ZNF407: variants seen among roughly 807,000 people sequenced by gnomAD.
ZNF407 encodes zinc finger protein 407.
A neutral mutation model predicts 131.2 loss-of-function variants in ZNF407; 17 were observed. That is an observed-to-expected ratio of 0.13 (90% confidence interval 0.09 to 0.19). The LOEUF is 0.19. Among genes scored for constraint, ZNF407 ranks in the 10% least tolerant of loss-of-function variants. ZNF407 has a pLI of 1.00. For missense variants in ZNF407, 2,681 were observed against 2,830.6 expected, an observed-to-expected ratio of 0.95 and a Z score of 1.20; for synonymous variants, 1,156 against 1,062.0, an observed-to-expected ratio of 1.09 and a Z score of -1.72.
At chr18:75,040,880 C>T (rs943606322) in intron 8 of ZNF407, among the ~76,000 whole-genome samples, 1 of 152,094 alleles carries the variant, frequency 6.6e-6, no homozygotes, top group Non-Finnish European at 1.5e-5. Context: ...ACATGGAGAA[C>T]GGTAGAGCTC....
intron 8 of ZNF407, among the ~76,000 whole-genome samples, chr18:74,965,467 A>C (rs919912473): frequency 1.3e-5 from 2 of 152,032 alleles, no homozygotes; most frequent in Non-Finnish European, 2.9e-5. Flanking sequence ...AGTTCTATCC[A>C]TGTTATTGCA....
chr18:74,790,752 G>A (rs763999793), intron 4 of ZNF407, among the ~76,000 whole-genome samples: 1 of 152,078 alleles, frequency 6.6e-6, no homozygotes, highest in Non-Finnish European at 1.5e-5. Context: ...CTTTTTGTGA[G>A]CAGTTCTTTA....
At chr18:74,898,833 A>C (rs949255965) in intron 7 of ZNF407, among the ~76,000 whole-genome samples, 2 of 152,230 alleles carry the variant, frequency 1.3e-5, no homozygotes, top group African/African-American at 4.8e-5. Context: ...TAAATTTCAA[A>C]TTTTGTGCTT....
chr18:74,734,085 T>C (rs1384699206), intron 3 of ZNF407, among the ~76,000 whole-genome samples: 1 of 152,164 alleles, frequency 6.6e-6, no homozygotes, highest in Non-Finnish European at 1.5e-5. Flanking sequence ...AAAAGAACGA[T>C]CTTCCTGCTG....
intron 8 of ZNF407, among the ~76,000 whole-genome samples, chr18:74,967,272 T>C (rs1386680151): frequency 6.6e-6 from 1 of 152,186 alleles, no homozygotes; most frequent in Non-Finnish European, 1.5e-5. Context: ...GACGGATTTG[T>C]TTTAATCTCT....
At chr18:74,785,696 TGAAAATATCTGAAACAGCAGCATCTGTG>T (rs1969690170) in intron 4 of ZNF407, among the ~76,000 whole-genome samples, 1 of 152,138 alleles carries the variant, frequency 6.6e-6, no homozygotes, top group African/African-American at 2.4e-5. Flanking sequence ...TTATGAAACA[TGAAAATATCTGAAACAGCAGCATCTGTG>T]GAAAAGCGCA....
intron 7 of ZNF407, among the ~76,000 whole-genome samples, chr18:74,908,914 A>G (rs1971631524): frequency 6.6e-6 from 1 of 152,118 alleles, no homozygotes; most frequent in Non-Finnish European, 1.5e-5. Flanking sequence ...TTTATAAATC[A>G]TAATTAATCC....
chr18:74,728,900 C>G (rs988519345), intron 3 of ZNF407, among the ~76,000 whole-genome samples: 2 of 152,100 alleles, frequency 1.3e-5, no homozygotes, highest in African/African-American at 4.8e-5. Flanking sequence ...CACTAGCCAG[C>G]AGTATTGAGT....
chr18:74,617,190 A>ATATCCACGCACATCCATATC (rs1983353841), intron 1 of ZNF407, among the ~76,000 whole-genome samples: 8 of 72,560 alleles, frequency 1.1e-4, no homozygotes, highest in Non-Finnish European at 1.8e-4. Context: ...ACACACATCG[A>ATATCCACGCACATCCATATC]CACACTTTAC....
In ZNF407 at chr18:74,665,537, G is replaced by T. The variant is rs144148363; in HGVS notation, c.4802+24415G>T. Among the ~76,000 whole-genome samples, 229 of 152,294 alleles carry T rather than the reference G, an allele frequency of 1.5e-3. 1 individual carries two copies. The highest frequency in any genetic ancestry group is 5.2e-3 in the African/African-American group (217 of 41,558). On this transcript the variant is annotated intron_variant, in intron 3 of 8. Transcript: ENST00000299687. ...AAGTTACAGTGGTGATGAGAAATAC[G>T]TGTTTTGGCTGGTCACATTGCGCAA...
intron 3 of ZNF407, among the ~76,000 whole-genome samples, chr18:74,646,757 G>A (rs577854632): frequency 9.9e-5 from 15 of 152,238 alleles, no homozygotes; most frequent in African/African-American, 3.6e-4. Context: ...TATCATCCTC[G>A]TGTATTTTCC....
rs867622183 is a variant in ZNF407 at position 74,727,557 on chromosome 18, A to G, written c.4803-53871A>G. The stretch of plus-strand genomic sequence containing the variant: ...GTGCGTGTTCAACACAGGGGCTCGA[A>G]TGAAGTCTCCGAGTAGCTTTATGTT... On this transcript the variant is annotated intron_variant, in intron 3 of 8. Transcript: ENST00000299687. Among the ~76,000 whole-genome samples the G allele has an allele frequency of 3.9e-5, 6 of 152,338 alleles. No homozygotes were observed. The East Asian group carries it at 5.8e-4, about 15-fold the overall frequency.
chr18:74,963,348 TTTAA>T (rs1972370596), intron 8 of ZNF407, among the ~76,000 whole-genome samples: 2 of 152,224 alleles, frequency 1.3e-5, no homozygotes, highest in Non-Finnish European at 2.9e-5. Context: ...TGATTACTTA[TTTAA>T]TTGTCTCCTT....
At chr18:75,049,708 TCCACA>T (rs1385992585) in intron 8 of ZNF407, among the ~76,000 whole-genome samples, 2 of 152,228 alleles carry the variant, frequency 1.3e-5, no homozygotes, top group African/African-American at 2.4e-5. Context: ...TGTTCTCCCT[TCCACA>T]TGATAGTCCT....
rs11385324 is a variant in ZNF407, at chr18:74,909,123, C to CAA, written c.5250-11382_5250-11381dup. ...TTTTTAAAGTATACTATAAACAGGC[C>CAA]AAAAAAAAAAGAAATTGCATACCTG... On this transcript the variant is annotated intron_variant, in intron 7 of 8. Coordinates refer to ENST00000299687, the MANE Select transcript of ZNF407 (RefSeq NM_017757.3). Among the ~76,000 whole-genome samples, 138 of 146,990 alleles carry CAA rather than the reference C, an allele frequency of 9.4e-4. 2 individuals are homozygous for CAA. Among genetic ancestry groups the CAA allele is most frequent in the African/African-American group, 2.0e-3 (81 of 40,348 alleles).
At chr18:74,954,343 A>G (rs891762171) in intron 8 of ZNF407, among the ~76,000 whole-genome samples, 20 of 152,300 alleles carry the variant, frequency 1.3e-4, no homozygotes, top group African/African-American at 4.8e-4. Context: ...GTTAATATAT[A>G]TCTTTAATCT....
At chr18:74,623,255 AGTGTGT>A (rs201637323) in intron 1 of ZNF407, among the ~76,000 whole-genome samples, 1 of 150,206 alleles carries the variant, frequency 6.7e-6, no homozygotes, top group African/African-American at 2.5e-5. Flanking sequence ...TGTGCATGTG[AGTGTGT>A]GTGTGCATGA....
chr18:74,610,903 T>A (rs1364575479), intron 1 of ZNF407, among the ~76,000 whole-genome samples: 1 of 152,214 alleles, frequency 6.6e-6, no homozygotes, highest in Non-Finnish European at 1.5e-5. Context: ...TAAGTGGGGA[T>A]CATAGTCTGA....
intron 8 of ZNF407, chr18:74,920,979 GAGT>G (rs1971839535): frequency 6.3e-6 from 7 of 1,105,680 alleles, no homozygotes; most frequent in Non-Finnish European, 7.7e-6. Context: ...CCTGAAATGA[GAGT>G]AGTTGTTAAA....
Sources: gnomAD v4.1 joint callset for allele counts (sites outside exome capture counted in the v4.1 genomes callset) on GRCh38, gnomAD v4.1.1 for gene constraint, MANE v1.5 for transcripts, NCBI Gene and HGNC (gene_info 2026-07-23, HGNC 2026-07-21) for gene names.